ZNF195: variants seen among roughly 807,000 people sequenced by gnomAD.
The protein encoded by ZNF195 is hypoxia-regulated factor-1.
Under a neutral mutation model 19.5 loss-of-function variants are expected in ZNF195, and 11 were observed. The observed-to-expected ratio is 0.57, with a 90% confidence interval of 0.36 to 0.94. The LOEUF (loss-of-function observed/expected upper bound fraction) is 0.94. ZNF195 is among the 40% of genes least tolerant of loss of function. The pLI, the probability that ZNF195 is intolerant of heterozygous loss-of-function variation, is 0.01. For synonymous variants in ZNF195, 214 were observed against 248.1 expected, an observed-to-expected ratio of 0.86 and a Z score of 1.29; for missense variants, 582 against 709.0, an observed-to-expected ratio of 0.82 and a Z score of 2.03.
chr11:3,367,964 G>T (rs1418386930), intron 3 of ZNF195, among the ~76,000 whole-genome samples: 1 of 151,926 alleles, frequency 6.6e-6, no homozygotes, highest in Non-Finnish European at 1.5e-5. Flanking sequence ...GTAAATCCCA[G>T]CTACTCAGGA....
chr11:3,378,269 C>A lies in ZNF195; in HGVS notation c.3+769G>T, dbSNP rs188823938. On this transcript the variant is annotated intron_variant, in intron 1 of 5. Coordinates refer to ENST00000399602, the MANE Select transcript of ZNF195 (RefSeq NM_001130520.3). ...AGGTTGCAGTGAGCCGAGATCGCGC[C>A]ACTGCACTCCAGCCTGGGGGACAGA... Among the ~76,000 whole-genome samples the A allele has an allele frequency of 8.0e-3, 1,224 of 152,132 alleles. 7 individuals are homozygous for A. Among genetic ancestry groups the A allele is most frequent in the African/African-American group, 0.028 (1,144 of 41,466 alleles).
At chr11:3,360,836 C>A in intron 4 of ZNF195, 48 bp from the exon 5 acceptor site, 1 of 1,521,248 alleles carries the variant, frequency 6.6e-7, no homozygotes. Context: ...TTACCCACTG[C>A]AGCCCCCGCT....
At chr11:3,369,752 T>A (rs1849098656) in intron 3 of ZNF195, among the ~76,000 whole-genome samples, 1 of 152,222 alleles carries the variant, frequency 6.6e-6, no homozygotes, top group Non-Finnish European at 1.5e-5. Context: ...TGAGCTGTTG[T>A]TCAAAAGGTA....
chr11:3,360,771 C>T lies in ZNF195; in HGVS notation c.391G>A (p.Val131Met), dbSNP rs1371162976. The T allele has an allele frequency of 2.6e-6, 4 of 1,551,462 alleles. No homozygotes were observed. The highest frequency in any genetic ancestry group is 1.2e-5 in the South Asian group (1 of 84,052). Reference protein sequence around the residue: ...DKFTALCSPGVLQTVKWFLEF... With the variant: ...DKFTALCSPGMLQTVKWFLEF... The stretch of plus-strand genomic sequence containing the variant: ...AAAAACCATTTCACAGTTTGCAGCA[C>T]CCCAGGTGAGCACAGTGCTAGGAGC... The change falls in exon 5 of 6, where the codon GTG (valine) becomes ATG (methionine). Residue 131 changes from valine to methionine, a missense_variant. Physicochemically the swap from Val to Met is conservative, Grantham distance 21. Transcript: ENST00000399602.
intron 3 of ZNF195, chr11:3,368,733 C>G (rs907834108): frequency 2.0e-5 from 8 of 406,446 alleles, no homozygotes; most frequent in Non-Finnish European, 3.5e-5. Flanking sequence ...AAAACTGCCG[C>G]AGAGACCAAT....
intron 1 of ZNF195, chr11:3,373,436 T>C: frequency 2.9e-6 from 2 of 698,900 alleles, no homozygotes; most frequent in Non-Finnish European, 5.1e-6. Context: ...AGACCCTTCA[T>C]TATTATAAGA....
intron 3 of ZNF195, chr11:3,369,482 CA>C: frequency 4.4e-6 from 2 of 452,954 alleles, no homozygotes; most frequent in South Asian, 1.6e-5. Context: ...GATATAAAGA[CA>C]AGCTAAACGT....
intron 1 of ZNF195, among the ~76,000 whole-genome samples, chr11:3,372,537 A>C (rs1849259440): frequency 6.6e-6 from 1 of 152,224 alleles, no homozygotes. Flanking sequence ...AGTGTTATGC[A>C]AAGTTCAAGA....
intron 3 of ZNF195, chr11:3,366,823 G>A (rs915037017): frequency 1.2e-4 from 48 of 403,198 alleles, no homozygotes; most frequent in Non-Finnish European, 1.7e-4. Flanking sequence ...CCAGCACTTC[G>A]GGAGACCGAG....
At chr11:3,378,950 C>A in intron 1 of ZNF195, 88 bp downstream of exon 1, 1 of 1,302,434 alleles carries the variant, frequency 7.7e-7, no homozygotes, top group South Asian at 2.2e-5. Flanking sequence ...CCGGAACCCA[C>A]CCGGGCAGCC....
In ZNF195 at chr11:3,360,768, G is replaced by A. The variant is rs748467521; in HGVS notation, c.394C>T (p.Leu132=). The stretch of plus-strand genomic sequence containing the variant: ...TCTAAAAACCATTTCACAGTTTGCA[G>A]CACCCCAGGTGAGCACAGTGCTAGG... ...KFTALCSPGV[L]QTVKWFLEFR... Residue 132 remains leucine, a synonymous_variant, in exon 5 of 6, where the codon CTG becomes TTG. Transcript: ENST00000399602. 5.2e-6 allele frequency: 8 copies of A among 1,551,362 alleles called. No individual in the cohort carries two copies. The Admixed American group carries it at 1.2e-4, about 23-fold the overall frequency.
chr11:3,359,940 A>C lies in ZNF195; in HGVS notation c.1068T>G (p.Tyr356Ter), dbSNP rs756380965. 7 of 1,614,226 alleles carry C rather than the reference A, an allele frequency of 4.3e-6. No individual in the cohort carries two copies. Among genetic ancestry groups the C allele is most frequent in the Non-Finnish European group, 5.9e-6 (7 of 1,180,042 alleles). The change falls in exon 6 of 6, where the codon TAT becomes TAG. Residue 356 changes from tyrosine (Y) to a stop codon, truncating the protein, a stop_gained. Transcript: ENST00000399602. LOFTEE classifies it low-confidence loss of function (END_TRUNC). The surrounding 1 kb of genome is among the most constrained non-coding windows in gnomAD (Gnocchi z 5.5). ...AGATAAAGACACTGCTGCACTCTTC[A>C]TATTTGCAGGGTTTTTCCTCAGTAC... ...EHGTEEKPCK[Y>*]EECSSVFISC...
chr11:3,377,195 C>G (rs577354611), intron 1 of ZNF195, among the ~76,000 whole-genome samples: 1 of 152,262 alleles, frequency 6.6e-6, no homozygotes, highest in South Asian at 2.1e-4. Context: ...ATTAAAAATC[C>G]AACATTGCAG....
In ZNF195 at chr11:3,359,608, T is replaced by A. The variant is rs1236824622; in HGVS notation, c.1400A>T (p.Gln467Leu). Reference protein sequence around the residue: ...RRIHTGEKPYQCEECGKVFRT... With the variant: ...RRIHTGEKPYLCEECGKVFRT... ...GAAGACCTTCCCACATTCTTCACAT[T>A]GGTAGGGTTTCTCTCCGGTGTGAAT... Residue 467 changes from glutamine to leucine, a missense_variant, in exon 6 of 6, where the codon CAA (glutamine) becomes CTA (leucine). Gln to Leu is a moderately radical substitution (Grantham distance 113). This residue lies in a region of ZNF195 where 407 missense variants were observed against 530.5 expected (regional missense o/e 0.77). Transcript: ENST00000399602. The surrounding 1 kb of genome is among the most constrained non-coding windows in gnomAD (Gnocchi z 5.5). 6.2e-7 allele frequency: 1 copy of A among 1,614,128 alleles called. No individual in the cohort carries two copies. The highest frequency in any genetic ancestry group is 8.5e-7 in the Non-Finnish European group (1 of 1,180,008).
chr11:3,376,095 G>C (rs1849446948), intron 1 of ZNF195, among the ~76,000 whole-genome samples: 1 of 152,122 alleles, frequency 6.6e-6, no homozygotes, highest in South Asian at 2.1e-4. Flanking sequence ...TCCATACCCA[G>C]GAAGTCCTCC....
intron 3 of ZNF195, 31 bp from the exon 4 acceptor site, chr11:3,361,920 A>C (rs771128359): frequency 3.4e-5 from 14 of 416,460 alleles, no homozygotes; most frequent in South Asian, 2.5e-4. Flanking sequence ...TTAGCTGTGT[A>C]TGCTGTTGCA....
chr11:3,362,464 T>C, intron 3 of ZNF195: 2 of 403,406 alleles, frequency 5.0e-6, no homozygotes, highest in East Asian at 6.8e-5. Context: ...TTTAGGGATA[T>C]CAGTAACAAA....
intron 3 of ZNF195, among the ~76,000 whole-genome samples, chr11:3,368,145 T>C (rs1848995957): frequency 6.6e-6 from 1 of 150,886 alleles, no homozygotes; most frequent in South Asian, 2.1e-4. Flanking sequence ...AATTCTAGCA[T>C]ATTGTTCTGC....
intron 1 of ZNF195, among the ~76,000 whole-genome samples, chr11:3,373,270 G>C (rs974233473): frequency 6.6e-6 from 1 of 152,118 alleles, no homozygotes; most frequent in African/African-American, 2.4e-5. Flanking sequence ...CCATCCTCAA[G>C]AGGAATCCTG....
Sources: allele counts gnomAD v4.1 joint callset (sites outside exome capture counted in the v4.1 genomes callset), GRCh38; gene constraint gnomAD v4.1.1; regional missense constraint gnomAD v4.1.1; non-coding constraint Gnocchi (gnomAD v3.1); transcripts MANE v1.5; gene names NCBI Gene and HGNC (gene_info 2026-07-23, HGNC 2026-07-21).